The following ARB2A variants were observed in gnomAD, a reference collection of about 807,000 sequenced individuals.
ARB2A encodes ARB2 cotranscriptional regulator A.
At chr5:93,737,906 A>G in the ARB2A span, 2 of 448,756 alleles carry the variant, frequency 4.5e-6, no homozygotes, top group South Asian at 3.2e-5. Flanking sequence ...ACAGGAGCAA[A>G]TCTTCATGAC....
the ARB2A span, among the ~76,000 whole-genome samples, chr5:93,780,347 G>C: frequency 6.6e-6 from 1 of 152,196 alleles, no homozygotes; most frequent in Non-Finnish European, 1.5e-5. Context: ...ACTCAGCCTA[G>C]ACAGTCCTGG....
the ARB2A span, chr5:93,964,577 T>C: frequency 7.3e-7 from 1 of 1,368,650 alleles, no homozygotes; most frequent in African/African-American, 1.5e-5. Context: ...TTATCAAAAC[T>C]GACATAAATT....
chr5:93,927,921 T>C, the ARB2A span, among the ~76,000 whole-genome samples: 1 of 152,002 alleles, frequency 6.6e-6, no homozygotes, highest in African/African-American at 2.4e-5. Context: ...GGCTTATCTA[T>C]AAAAATCATT....
At chr5:94,015,453 T>C in the ARB2A span, among the ~76,000 whole-genome samples, 1 of 151,998 alleles carries the variant, frequency 6.6e-6, no homozygotes, top group African/African-American at 2.4e-5. Flanking sequence ...AAGAAAACAT[T>C]TGAAGGTATA....
At chr5:93,841,811 G>T in the ARB2A span, among the ~76,000 whole-genome samples, 4 of 152,118 alleles carry the variant, frequency 2.6e-5, no homozygotes, top group South Asian at 6.2e-4. Context: ...AGGCCATTAA[G>T]ACAAAGGGAT....
At chr5:93,724,585 T>C in the ARB2A span, among the ~76,000 whole-genome samples, 2 of 152,072 alleles carry the variant, frequency 1.3e-5, no homozygotes, top group African/African-American at 2.4e-5. Flanking sequence ...TTATGATAAA[T>C]TGACTTTTCT....
At chr5:93,920,771 AG>A in the ARB2A span, among the ~76,000 whole-genome samples, 1 of 152,178 alleles carries the variant, frequency 6.6e-6, no homozygotes, top group East Asian at 1.9e-4. Flanking sequence ...AATTCACTGC[AG>A]TTCATACTGC....
chr5:93,726,664 T>C, the ARB2A span, among the ~76,000 whole-genome samples: 1 of 152,016 alleles, frequency 6.6e-6, no homozygotes, highest in Non-Finnish European at 1.5e-5. Flanking sequence ...CATGAATCAA[T>C]ACTTTTTCTT....
the ARB2A span, chr5:93,865,514 T>C: frequency 2.0e-5 from 20 of 985,304 alleles, no homozygotes; most frequent in Admixed American, 6.1e-5. Flanking sequence ...ACTGGCATTG[T>C]ACTTTTATCA....
chr5:94,063,520 T>C, the ARB2A span, among the ~76,000 whole-genome samples: 2 of 152,136 alleles, frequency 1.3e-5, no homozygotes, highest in Non-Finnish European at 2.9e-5. Flanking sequence ...CTGGTGCCAC[T>C]ATAGGCACAC....
chr5:93,942,865 G>C, the ARB2A span, among the ~76,000 whole-genome samples: 2 of 152,034 alleles, frequency 1.3e-5, no homozygotes, highest in Non-Finnish European at 2.9e-5. Flanking sequence ...ATGTGTAAGT[G>C]TACTTTTTAA....
chr5:93,931,228 G>A, the ARB2A span, among the ~76,000 whole-genome samples: 3 of 152,162 alleles, frequency 2.0e-5, no homozygotes, highest in Non-Finnish European at 2.9e-5. Context: ...CACTTTGGGA[G>A]GACGAGGTGG....
chr5:93,725,833 C>T, the ARB2A span, among the ~76,000 whole-genome samples: 14 of 151,970 alleles, frequency 9.2e-5, no homozygotes, highest in Non-Finnish European at 1.6e-4. Flanking sequence ...ACTAAGTCTC[C>T]GTATGCTTAC....
chr5:93,985,631 G>A, the ARB2A span, among the ~76,000 whole-genome samples: 2 of 152,184 alleles, frequency 1.3e-5, no homozygotes, highest in Non-Finnish European at 2.9e-5. Flanking sequence ...CGCCCTGTTG[G>A]CCGGGCTGGT....
chr5:93,702,869 T>G, the ARB2A span, among the ~76,000 whole-genome samples: 2 of 152,244 alleles, frequency 1.3e-5, no homozygotes, highest in African/African-American at 4.8e-5. Context: ...TTATTAATCC[T>G]TCACCTGGAT....
At chr5:93,864,072 T>C in the ARB2A span, among the ~76,000 whole-genome samples, 1 of 152,250 alleles carries the variant, frequency 6.6e-6, no homozygotes, top group African/African-American at 2.4e-5. Flanking sequence ...ATGTCAATAG[T>C]ATCACAAGCA....
the ARB2A span, among the ~76,000 whole-genome samples, chr5:93,853,691 C>T: frequency 2.0e-5 from 3 of 152,100 alleles, no homozygotes; most frequent in South Asian, 2.1e-4. Flanking sequence ...TTGTCAAAGG[C>T]CTTTTCTGCA....
the ARB2A span, chr5:93,881,472 T>C: frequency 6.2e-7 from 1 of 1,607,482 alleles, no homozygotes; most frequent in Non-Finnish European, 8.5e-7. Flanking sequence ...TCACTCACTC[T>C]GATATACAAT....
the ARB2A span, among the ~76,000 whole-genome samples, chr5:93,847,302 C>G: frequency 6.6e-6 from 1 of 152,104 alleles, no homozygotes; most frequent in African/African-American, 2.4e-5. Context: ...ATAAACAATT[C>G]AACTGAAAAA....
Sources: gnomAD v4.1 joint callset for allele counts (sites outside exome capture counted in the v4.1 genomes callset) on GRCh38, gnomAD v4.1.1 for gene constraint, MANE v1.5 for transcripts, NCBI Gene and HGNC (gene_info 2026-07-23, HGNC 2026-07-21) for gene names.